RASA2: variants seen among roughly 807,000 people sequenced by gnomAD.
RASA2 encodes RAS p21 protein activator 2.
A neutral mutation model predicts 118.2 loss-of-function variants in RASA2; 155 were observed. That is an observed-to-expected ratio of 1.31 (90% CI 1.15 to 1.50). The LOEUF is 1.50. Among genes scored for constraint, RASA2 ranks in the 40% most tolerant of loss-of-function variants. RASA2 has a pLI of 0.00. For missense variants in RASA2, 1,016 were observed against 1,009.6 expected, an observed-to-expected ratio of 1.01 and a Z score of -0.09; for synonymous variants, 353 against 349.1, an observed-to-expected ratio of 1.01 and a Z score of -0.12.
intron 19 of RASA2, among the ~76,000 whole-genome samples, chr3:141,596,205 A>G (rs1031362905): frequency 6.6e-6 from 1 of 152,240 alleles, no homozygotes; most frequent in Non-Finnish European, 1.5e-5. Flanking sequence ...TAATGACAAT[A>G]TGATACCTGG....
At chr3:141,543,100 A>G (rs957981278) in intron 5 of RASA2, among the ~76,000 whole-genome samples, 26 of 151,456 alleles carry the variant, frequency 1.7e-4, no homozygotes, top group African/African-American at 6.1e-4. Context: ...CTCCTATTTT[A>G]TAGTTTTCTG....
chr3:141,596,421 T>C lies in RASA2; in HGVS notation c.1933+9669T>C, dbSNP rs553709601. 4.4e-4 allele frequency among the ~76,000 whole-genome samples: 67 copies of C among 152,306 alleles called. 1 individual carries two copies. Among genetic ancestry groups the C allele is most frequent in the African/African-American group, 1.6e-3 (65 of 41,574 alleles). Reference sequence around the variant, plus strand: ...AGTAAAGAAAATCTTTGAGCCTTTATAGGTTAGGCAAAGATTTCTTACATA... The same window carrying C: ...AGTAAAGAAAATCTTTGAGCCTTTACAGGTTAGGCAAAGATTTCTTACATA... On this transcript the variant is annotated intron_variant, in intron 19 of 23. Transcript: ENST00000286364.
chr3:141,497,725 G>A (rs1009822188), intron 1 of RASA2, among the ~76,000 whole-genome samples: 2 of 151,420 alleles, frequency 1.3e-5, no homozygotes, highest in Admixed American at 1.3e-4. Context: ...AAAATGCCAG[G>A]CATAGTGGTG....
chr3:141,600,098 A>G (rs1207499185), intron 19 of RASA2, among the ~76,000 whole-genome samples: 2 of 152,222 alleles, frequency 1.3e-5, no homozygotes, highest in Non-Finnish European at 2.9e-5. Flanking sequence ...CAAGACAAAC[A>G]CAAATCAGGG....
At chr3:141,528,049 C>A (rs899497360) in intron 3 of RASA2, among the ~76,000 whole-genome samples, 2 of 151,654 alleles carry the variant, frequency 1.3e-5, no homozygotes, top group African/African-American at 2.4e-5. Context: ...TTATCAGGAC[C>A]AATTTATTTT....
intron 9 of RASA2, among the ~76,000 whole-genome samples, chr3:141,562,100 A>G (rs1365769835): frequency 6.6e-6 from 1 of 151,608 alleles, no homozygotes; most frequent in Non-Finnish European, 1.5e-5. Context: ...CTTCAGGCAC[A>G]CACCACCATG....
chr3:141,609,032 A>C (rs183275673), intron 21 of RASA2, among the ~76,000 whole-genome samples: 1 of 152,326 alleles, frequency 6.6e-6, no homozygotes, highest in East Asian at 1.9e-4. Context: ...TGGTTGCACA[A>C]GTTAAAAAAT....
At chr3:141,507,058 A>T (rs1192989085) in intron 1 of RASA2, among the ~76,000 whole-genome samples, 2 of 152,250 alleles carry the variant, frequency 1.3e-5, no homozygotes, top group African/African-American at 2.4e-5. Flanking sequence ...AGGTAGATAC[A>T]ACTATATATG....
chr3:141,541,642 T>C (rs1356120728), intron 5 of RASA2, among the ~76,000 whole-genome samples: 2 of 152,226 alleles, frequency 1.3e-5, no homozygotes, highest in East Asian at 3.9e-4. Context: ...TATTCCACTT[T>C]TGTTAACTGT....
intron 19 of RASA2, 23 bp from the exon 20 acceptor site, chr3:141,607,650 ATTTTG>A: frequency 6.5e-7 from 1 of 1,547,192 alleles, no homozygotes; most frequent in Non-Finnish European, 8.7e-7. Context: ...AATTACTTTA[ATTTTG>A]TTTTACTTTT....
chr3:141,489,800 T>TTG (rs1366220580), intron 1 of RASA2, among the ~76,000 whole-genome samples: 143 of 152,274 alleles, frequency 9.4e-4, no homozygotes, highest in Non-Finnish European at 1.7e-3. Flanking sequence ...CCCCTTATAC[T>TTG]TCACAAGGTG....
intron 14 of RASA2, among the ~76,000 whole-genome samples, chr3:141,575,410 C>T (rs576394926): frequency 2.6e-5 from 4 of 152,290 alleles, no homozygotes; most frequent in African/African-American, 4.8e-5. Flanking sequence ...CAGAGGCACA[C>T]GGAAAGGTGA....
intron 1 of RASA2, among the ~76,000 whole-genome samples, chr3:141,488,439 C>G (rs1406423565): frequency 6.6e-6 from 1 of 152,186 alleles, no homozygotes; most frequent in Non-Finnish European, 1.5e-5. Flanking sequence ...AATACCAGTA[C>G]TGTTGAGCTC....
chr3:141,533,483 T>G (rs1169818106), intron 4 of RASA2, among the ~76,000 whole-genome samples: 1 of 152,176 alleles, frequency 6.6e-6, no homozygotes, highest in Non-Finnish European at 1.5e-5. Context: ...AGTTGTGAAG[T>G]TCTAGGGAAA....
At chr3:141,608,447 T>C in intron 20 of RASA2, 42 bp from the exon 21 acceptor site, 1 of 1,583,352 alleles carries the variant, frequency 6.3e-7, no homozygotes. Flanking sequence ...TGTTGGTTTT[T>C]GGACTCTTGT....
intron 17 of RASA2, among the ~76,000 whole-genome samples, chr3:141,584,180 A>G (rs1396705064): frequency 6.6e-6 from 1 of 151,878 alleles, no homozygotes; most frequent in Non-Finnish European, 1.5e-5. Context: ...AAAATACAAA[A>G]ATTAGCCGGG....
intron 1 of RASA2, among the ~76,000 whole-genome samples, chr3:141,496,521 T>G (rs2081704867): frequency 6.6e-6 from 1 of 152,186 alleles, no homozygotes; most frequent in African/African-American, 2.4e-5. Context: ...AACAGACACT[T>G]CTCAAAAGAA....
chr3:141,533,470 C>A (rs1365365034), intron 4 of RASA2, among the ~76,000 whole-genome samples: 1 of 152,114 alleles, frequency 6.6e-6, no homozygotes, highest in Non-Finnish European at 1.5e-5. Flanking sequence ...AAAGGGTTCC[C>A]TTAGTTGTGA....
At chr3:141,490,175 A>G (rs953596489) in intron 1 of RASA2, among the ~76,000 whole-genome samples, 1 of 151,866 alleles carries the variant, frequency 6.6e-6, no homozygotes, top group African/African-American at 2.4e-5. Context: ...CTTTTTCAAG[A>G]GGTGAGTTTG....
Sources: allele counts gnomAD v4.1 joint callset (sites outside exome capture counted in the v4.1 genomes callset), GRCh38; gene constraint gnomAD v4.1.1; transcripts MANE v1.5; gene names NCBI Gene and HGNC (gene_info 2026-07-23, HGNC 2026-07-21).